LPAR3: variants seen among roughly 807,000 people sequenced by gnomAD.
LPAR3 encodes LPA receptor 3.
In LPAR3, 7 loss-of-function variants were observed where a neutral mutation model predicts 17.8. That is an observed-to-expected ratio of 0.39 (90% confidence interval 0.22 to 0.74). The LOEUF (loss-of-function observed/expected upper bound fraction) is 0.74, where lower values mean the gene tolerates loss of function less well. Among genes scored for constraint, LPAR3 ranks in the 30% least tolerant of loss-of-function variants. The probability of loss-of-function intolerance (pLI) is 0.40; values close to 1 mark genes in which losing one functional copy is unlikely to be tolerated. For missense variants in LPAR3, 391 were observed against 453.4 expected (o/e 0.86, Z 1.25); for synonymous variants, 179 against 179.9 (o/e 0.99, Z 0.04).
chr1:84,873,775 C>T lies in LPAR3; in HGVS notation c.-18-7637G>A, dbSNP rs79344320. ...GCTTGTTTGTTTTTTTTTTTTGAGACGAGTCTCTGCTCTGTCACCCAGGCT... is the reference window on the plus strand; with the variant it reads ...GCTTGTTTGTTTTTTTTTTTTGAGATGAGTCTCTGCTCTGTCACCCAGGCT... On this transcript the variant is annotated intron_variant, in intron 1 of 2. Coordinates refer to ENST00000370611, the MANE Select transcript of LPAR3 (RefSeq NM_012152.3). 3.0e-3 allele frequency among the ~76,000 whole-genome samples: 439 copies of T among 144,864 alleles called. 6 individuals are homozygous for T. Among genetic ancestry groups the T allele is most frequent in the Admixed American group, 0.02 (289 of 14,630 alleles).
chr1:84,850,393 C>CAAAAAAAAAAA (rs561506398), intron 2 of LPAR3, among the ~76,000 whole-genome samples: 3 of 38,698 alleles, frequency 7.8e-5, no homozygotes, highest in African/African-American at 2.2e-4. Context: ...TCTGTCTCTA[C>CAAAAAAAAAAA]AAAAAAAAAA....
In LPAR3 at chr1:84,813,158, T is replaced by TATAGAGAGAG. The variant is rs1206774677; in HGVS notation, c.*687_*688insCTCTCTCTAT. ...ATATATATATATATATATATATATA[T>TATAGAGAGAG]AGACACACACACACACACACACACA... On this transcript the variant is annotated 3_prime_UTR_variant, in exon 3 of 3. Coordinates refer to ENST00000370611, the MANE Select transcript of LPAR3 (RefSeq NM_012152.3). The TATAGAGAGAG allele has an allele frequency of 1.6e-4, 16 of 101,694 alleles. No homozygotes were observed. In the East Asian group the frequency reaches 4.1e-3, roughly 26 times the overall value. 6.3% of individuals were successfully genotyped at this position (101,694 alleles called of 1,614,324 possible). A position where few individuals can be genotyped will look rare whatever the true frequency, so the allele number is the denominator to read the frequency against.
At chr1:84,826,493 T>A (rs976418980) in intron 2 of LPAR3, among the ~76,000 whole-genome samples, 12 of 152,048 alleles carry the variant, frequency 7.9e-5, no homozygotes, top group Non-Finnish European at 1.8e-4. Context: ...CAGCTATATC[T>A]AGGAATTTTA....
chr1:84,824,477 A>C (rs960685430), intron 2 of LPAR3, among the ~76,000 whole-genome samples: 1 of 152,144 alleles, frequency 6.6e-6, no homozygotes, highest in Non-Finnish European at 1.5e-5. Context: ...AATGAAACCT[A>C]CTTATCCCCA....
rs1206774677 is a variant in LPAR3 at position 84,813,158 on chromosome 1, T to TATATATAGAGAGAGAG, written c.*687_*688insCTCTCTCTCTATATAT. 2.0e-5 allele frequency: 2 copies of TATATATAGAGAGAGAG among 101,696 alleles called. No homozygotes were observed. The highest frequency in any genetic ancestry group is 5.4e-4 in the East Asian group (2 of 3,676). The allele number at this position is 101,696 out of a possible 1,614,324, so 6.3% of individuals were successfully genotyped here. On this transcript the variant is annotated 3_prime_UTR_variant, in exon 3 of 3. Coordinates refer to ENST00000370611, the MANE Select transcript of LPAR3 (RefSeq NM_012152.3). ...ATATATATATATATATATATATATA[T>TATATATAGAGAGAGAG]AGACACACACACACACACACACACA...
At chr1:84,817,246 A>G (rs891844904) in intron 2 of LPAR3, among the ~76,000 whole-genome samples, 14 of 135,732 alleles carry the variant, frequency 1.0e-4, no homozygotes, top group African/African-American at 3.2e-4. Flanking sequence ...AGTGATAAAT[A>G]TTTTCCAGGA....
At chr1:84,851,540 T>G (rs973841159) in intron 2 of LPAR3, among the ~76,000 whole-genome samples, 2 of 152,260 alleles carry the variant, frequency 1.3e-5, no homozygotes, top group African/African-American at 4.8e-5. Context: ...GTTACTTTTA[T>G]GAGTTAATTC....
chr1:84,822,023 T>C (rs1186091773), intron 2 of LPAR3, among the ~76,000 whole-genome samples: 1 of 152,120 alleles, frequency 6.6e-6, no homozygotes, highest in Non-Finnish European at 1.5e-5. Flanking sequence ...GAAATGCTGA[T>C]TTGGGAGTCA....
intron 1 of LPAR3, among the ~76,000 whole-genome samples, chr1:84,871,625 T>C (rs1272737106): frequency 6.6e-6 from 1 of 152,220 alleles, no homozygotes; most frequent in African/African-American, 2.4e-5. Context: ...GTTAGGTTAG[T>C]TGGTACTCTA....
At chr1:84,845,100 T>C (rs148526004) in intron 2 of LPAR3, among the ~76,000 whole-genome samples, 79 of 152,354 alleles carry the variant, frequency 5.2e-4, no homozygotes, top group African/African-American at 1.8e-3. Flanking sequence ...ACAAATCTGG[T>C]AACTCCTCCA....
chr1:84,865,465 A>G lies in LPAR3; in HGVS notation c.656T>C (p.Val219Ala), dbSNP rs1461136343. The G allele has an allele frequency of 3.1e-6, 5 of 1,614,056 alleles. No homozygotes were observed. The highest frequency in any genetic ancestry group is 2.7e-5 in the African/African-American group (2 of 74,920). Residue 219 changes from valine to alanine, a missense_variant, in exon 2 of 3, where the codon GTC (valine) becomes GCC (alanine). By Grantham distance (64) the Val-to-Ala change is moderately conservative (BLOSUM62 0). Coordinates refer to ENST00000370611, the MANE Select transcript of LPAR3 (RefSeq NM_012152.3). ...GGACCCACTTGTATGCGGAGACAAG[A>G]CGTTGGTTTTCCTCTTGACGTACAC... ...IYVYVKRKTN[V>A]LSPHTSGSIS...
chr1:84,856,228 C>T (rs1440814715), intron 2 of LPAR3, among the ~76,000 whole-genome samples: 2 of 152,104 alleles, frequency 1.3e-5, no homozygotes, highest in Non-Finnish European at 1.5e-5. Context: ...GACAAAAGTA[C>T]GAACACCCCC....
intron 2 of LPAR3, among the ~76,000 whole-genome samples, chr1:84,816,622 A>G (rs1325655184): frequency 6.6e-6 from 1 of 151,954 alleles, no homozygotes; most frequent in African/African-American, 2.4e-5. Context: ...ACATGGTGAA[A>G]CCCTGTCTCT....
rs373944519 is a variant in LPAR3, at chr1:84,811,694, C to G, written c.*2152G>C. ...ACAGAGTTTGTGAAATCTACACTTT[C>G]AAATCATAATATTCTCTATTTTAGG... On this transcript the variant is annotated 3_prime_UTR_variant, in exon 3 of 3. Coordinates refer to ENST00000370611, the MANE Select transcript of LPAR3 (RefSeq NM_012152.3). 1.2e-4 allele frequency: 18 copies of G among 152,296 alleles called. No homozygotes were observed. In the East Asian group the frequency reaches 1.5e-3, roughly 13 times the overall value. The allele number at this position is 152,296 out of a possible 1,614,324, so 9.4% of individuals were successfully genotyped here.
intron 1 of LPAR3, among the ~76,000 whole-genome samples, chr1:84,868,221 T>C (rs757971775): frequency 5.9e-5 from 9 of 152,206 alleles, no homozygotes; most frequent in Non-Finnish European, 1.2e-4. Context: ...GTGATTCTCC[T>C]GTCTCAGCCT....
rs561213175 is a variant in LPAR3, at chr1:84,880,459, G to A, written c.-19+12557C>T. Among the ~76,000 whole-genome samples the A allele has an allele frequency of 2.6e-5, 4 of 152,320 alleles. No individual in the cohort carries two copies. In the South Asian group the frequency reaches 8.3e-4, roughly 32 times the overall value. On this transcript the variant is annotated intron_variant, in intron 1 of 2. Coordinates refer to ENST00000370611, the MANE Select transcript of LPAR3 (RefSeq NM_012152.3). ...AGAGTAGAAAATAGTATTACCACTT[G>A]CAGCCTATCTCAAAGACCTCTCAGT...
At chr1:84,880,211 T>C (rs1226001593) in intron 1 of LPAR3, among the ~76,000 whole-genome samples, 2 of 152,222 alleles carry the variant, frequency 1.3e-5, no homozygotes, top group African/African-American at 2.4e-5. Context: ...ATGCCTGTAA[T>C]GCCAGCTACT....
chr1:84,881,783 G>T (rs1660369605), intron 1 of LPAR3, among the ~76,000 whole-genome samples: 1 of 152,182 alleles, frequency 6.6e-6, no homozygotes, highest in Non-Finnish European at 1.5e-5. Context: ...AGGCAATGCA[G>T]TACAGCAGAA....
At chr1:84,885,801 T>C (rs1298068579) in intron 1 of LPAR3, among the ~76,000 whole-genome samples, 1 of 152,172 alleles carries the variant, frequency 6.6e-6, no homozygotes, top group Non-Finnish European at 1.5e-5. Context: ...GTAAGACTGG[T>C]TACTGTATGC....
Sources: gnomAD v4.1 joint callset for allele counts (sites outside exome capture counted in the v4.1 genomes callset) on GRCh38, gnomAD v4.1.1 for gene constraint, MANE v1.5 for transcripts, NCBI Gene and HGNC (gene_info 2026-07-23, HGNC 2026-07-21) for gene names.